The following FHIT variants were observed in gnomAD, a reference collection of about 807,000 sequenced individuals.
FHIT encodes fragile histidine triad diadenosine triphosphatase, also known as bis(5'-adenosyl)-triphosphatase.
FHIT carries 19 observed loss-of-function variants against 17.9 expected under a neutral mutation model. The ratio of observed to expected loss-of-function variants is 1.06; its 90% CI spans 0.74 to 1.56. FHIT has a LOEUF of 1.56. FHIT is among the 40% of genes most tolerant of loss of function. FHIT has a pLI of 0.00. For missense variants in FHIT, 248 were observed against 189.2 expected (o/e 1.31, Z -1.82); for synonymous variants, 81 against 69.7 (o/e 1.16, Z -0.81).
chr3:61,241,582 G>GA (rs1270296042), intron 1 of FHIT, among the ~76,000 whole-genome samples: 8 of 152,184 alleles, frequency 5.3e-5, no homozygotes, highest in Non-Finnish European at 1.2e-4. Context: ...TAAACCTTGT[G>GA]AGGGAGTACT....
intron 4 of FHIT, among the ~76,000 whole-genome samples, chr3:60,809,977 C>G (rs1364116689): frequency 5.9e-5 from 9 of 152,156 alleles, no homozygotes; most frequent in African/African-American, 2.2e-4. Flanking sequence ...AGAAACCCTA[C>G]CAGCCTAAGG....
chr3:60,979,381 C>G (rs909067309), intron 3 of FHIT, among the ~76,000 whole-genome samples: 3 of 152,318 alleles, frequency 2.0e-5, no homozygotes, highest in East Asian at 1.9e-4. Context: ...CCTTCTCCAA[C>G]CTTCCCACAT....
intron 4 of FHIT, among the ~76,000 whole-genome samples, chr3:60,757,799 G>C (rs1470105637): frequency 6.6e-6 from 1 of 152,220 alleles, no homozygotes; most frequent in Non-Finnish European, 1.5e-5. Flanking sequence ...AACATGAACA[G>C]ATTGGTGGTT....
At position 60,350,587 on chromosome 3, in the gene FHIT, A is replaced by G. The variant is rs145521086; in HGVS notation, c.103+186273T>C. Among the ~76,000 whole-genome samples the G allele has an allele frequency of 4.9e-4, 75 of 152,280 alleles. 1 individual carries two copies. The highest frequency in any genetic ancestry group is 1.7e-3 in the African/African-American group (70 of 41,566). On this transcript the variant is annotated intron_variant, in intron 5 of 9. Coordinates refer to ENST00000492590, the MANE Select transcript of FHIT (RefSeq NM_002012.4). ...TTGTTCCTGGTCCAGGAAGCTAAAA[A>G]CAAGTAAGAGGTGACTTCCTCCCAT...
chr3:60,864,780 A>C (rs1336539472), intron 3 of FHIT, among the ~76,000 whole-genome samples: 2 of 152,138 alleles, frequency 1.3e-5, no homozygotes, highest in African/African-American at 2.4e-5. Flanking sequence ...ATATTAGTGG[A>C]CACTCTTAGG....
At chr3:60,703,871 T>C (rs938454047) in intron 4 of FHIT, among the ~76,000 whole-genome samples, 1 of 152,330 alleles carries the variant, frequency 6.6e-6, no homozygotes, top group Non-Finnish European at 1.5e-5. Context: ...CTTTCTTCTA[T>C]GATTATTGGT....
intron 8 of FHIT, among the ~76,000 whole-genome samples, chr3:59,847,434 T>C (rs1031932983): frequency 7.9e-5 from 12 of 152,160 alleles, no homozygotes; most frequent in Non-Finnish European, 1.2e-4. Flanking sequence ...TTGGTTTCTT[T>C]GCATCACTCT....
chr3:60,433,068 C>G (rs1313175838), intron 5 of FHIT, among the ~76,000 whole-genome samples: 2 of 152,002 alleles, frequency 1.3e-5, no homozygotes, highest in African/African-American at 4.8e-5. Context: ...ATCTGTCAGA[C>G]AGAAACTCTC....
At chr3:60,417,635 G>T (rs1435312324) in intron 5 of FHIT, among the ~76,000 whole-genome samples, 1 of 152,154 alleles carries the variant, frequency 6.6e-6, no homozygotes, top group African/African-American at 2.4e-5. Flanking sequence ...CAATGATCAG[G>T]AGGCAGATGA....
chr3:60,102,091 C>T (rs6446110), intron 5 of FHIT, among the ~76,000 whole-genome samples: 142,821 of 152,310 alleles, frequency 0.94, 67,019 homozygotes, highest in East Asian at 0.98. Flanking sequence ...CCCAGAAGTA[C>T]AGAAATCATG....
In FHIT at chr3:60,790,363, G is replaced by A. The variant is rs559035943; in HGVS notation, c.-18+31556C>T. ...ATTAATACACATTAGATTCAAATAT[G>A]TCACAACATATTCTAAATAAGCATG... On this transcript the variant is annotated intron_variant, in intron 4 of 9. Transcript: ENST00000492590. Among the ~76,000 whole-genome samples the A allele has an allele frequency of 4.2e-3, 638 of 152,256 alleles. 4 individuals carry two copies. Among genetic ancestry groups the A allele is most frequent in the African/African-American group, 0.015 (613 of 41,548 alleles).
At chr3:60,011,565 C>T (rs1368974878) in intron 6 of FHIT, among the ~76,000 whole-genome samples, 165 bp from the exon 7 acceptor site, 3 of 122,126 alleles carry the variant, frequency 2.5e-5, no homozygotes, top group African/African-American at 5.4e-5. Flanking sequence ...AGACAGTTCT[C>T]CATTTCCGCC....
chr3:60,654,975 G>T (rs960733836), intron 4 of FHIT, among the ~76,000 whole-genome samples: 1 of 152,154 alleles, frequency 6.6e-6, no homozygotes. Context: ...AAGAGACACA[G>T]GCTAGATTGA....
intron 3 of FHIT, among the ~76,000 whole-genome samples, chr3:60,925,666 A>C (rs1707557274): frequency 1.3e-5 from 2 of 152,204 alleles, no homozygotes; most frequent in Non-Finnish European, 2.9e-5. Context: ...TGAGCAAAAT[A>C]ACCAGCTAAC....
At chr3:59,778,523 T>G (rs140108976) in intron 8 of FHIT, among the ~76,000 whole-genome samples, 12 of 152,230 alleles carry the variant, frequency 7.9e-5, no homozygotes, top group Non-Finnish European at 1.8e-4. Context: ...TAACTATTTC[T>G]GGCTCTTCAG....
At chr3:60,069,366 C>T (rs1323196569) in intron 5 of FHIT, among the ~76,000 whole-genome samples, 1 of 152,070 alleles carries the variant, frequency 6.6e-6, no homozygotes, top group Non-Finnish European at 1.5e-5. Flanking sequence ...TTAATCCCAA[C>T]CTGTTACAAT....
chr3:60,639,006 TAAA>T (rs782748153), intron 4 of FHIT, among the ~76,000 whole-genome samples: 1 of 116,182 alleles, frequency 8.6e-6, no homozygotes, highest in African/African-American at 3.2e-5. Flanking sequence ...ATGCATAAAT[TAAA>T]AAAAAAAAAA....
intron 3 of FHIT, among the ~76,000 whole-genome samples, chr3:61,007,056 T>C (rs2031500518): frequency 6.6e-6 from 1 of 152,208 alleles, no homozygotes; most frequent in Non-Finnish European, 1.5e-5. Context: ...TTTAAAAGCT[T>C]ATCATAGAAA....
chr3:60,865,653 T>A (rs1704124881), intron 3 of FHIT, among the ~76,000 whole-genome samples: 1 of 152,120 alleles, frequency 6.6e-6, no homozygotes. Flanking sequence ...AGCTCTGTCT[T>A]GGGCTCTGTG....
Sources: gnomAD v4.1 joint callset for allele counts (sites outside exome capture counted in the v4.1 genomes callset) on GRCh38, gnomAD v4.1.1 for gene constraint, MANE v1.5 for transcripts, NCBI Gene and HGNC (gene_info 2026-07-23, HGNC 2026-07-21) for gene names.